Variants in IPO11 observed in about 807,000 individuals in gnomAD.
IPO11 encodes the protein importin 11.
IPO11 carries 66 observed loss-of-function variants against 143.2 expected under a neutral mutation model. The observed-to-expected ratio is 0.46, with a 90% CI of 0.38 to 0.57. The LOEUF is 0.57. Ranked by LOEUF, IPO11 falls within the 20% of genes least tolerant of loss-of-function variation. IPO11 has a pLI of 0.00. For missense variants in IPO11, 1,026 were observed against 1,141.0 expected, an observed-to-expected ratio of 0.90 and a Z score of 1.45; for synonymous variants, 385 against 377.8, an observed-to-expected ratio of 1.02 and a Z score of -0.22.
At chr5:62,553,323 AGTGT>A (rs3077458) in intron 26 of IPO11, among the ~76,000 whole-genome samples, 1,231 of 119,234 alleles carry the variant, frequency 0.01, 7 homozygotes, top group Middle Eastern at 0.051. Flanking sequence ...TATTCGTGTG[AGTGT>A]GTGTGTGTGT....
intron 24 of IPO11, among the ~76,000 whole-genome samples, chr5:62,546,141 A>C (rs917733048): frequency 1.3e-5 from 2 of 152,320 alleles, no homozygotes; most frequent in African/African-American, 4.8e-5. Context: ...ATAAAGACAC[A>C]TGCACACGTA....
At chr5:62,485,195 G>T (rs1482444030) in intron 11 of IPO11, among the ~76,000 whole-genome samples, 3 of 152,092 alleles carry the variant, frequency 2.0e-5, no homozygotes, top group African/African-American at 7.2e-5. Context: ...TCGAAAATGA[G>T]AATGCTTATG....
intron 3 of IPO11, among the ~76,000 whole-genome samples, chr5:62,443,840 A>G (rs1342063509): frequency 6.6e-6 from 1 of 152,190 alleles, no homozygotes; most frequent in Non-Finnish European, 1.5e-5. Context: ...ATGCAAAATC[A>G]TTGTAGACAT....
At chr5:62,601,642 C>G in intron 28 of IPO11, 122 bp from the exon 29 acceptor site, 1 of 450,444 alleles carries the variant, frequency 2.2e-6, no homozygotes, top group Non-Finnish European at 3.8e-6. Context: ...CTTTTTCTCA[C>G]ATTTTGGTGT....
intron 28 of IPO11, among the ~76,000 whole-genome samples, chr5:62,599,655 G>C (rs1745425656): frequency 6.6e-6 from 1 of 152,202 alleles, no homozygotes; most frequent in African/African-American, 2.4e-5. Flanking sequence ...TAGCAGGCTG[G>C]AGTGCCTGGA....
chr5:62,440,219 A>T lies in IPO11; in HGVS notation c.139-2764A>T, dbSNP rs367848944. 2.6e-5 allele frequency among the ~76,000 whole-genome samples: 4 copies of T among 152,312 alleles called. No homozygotes were observed. In the East Asian group the frequency reaches 7.7e-4, roughly 29 times the overall value. On this transcript the variant is annotated intron_variant, in intron 2 of 29. Coordinates refer to ENST00000325324, the MANE Select transcript of IPO11 (RefSeq NM_016338.5). Reference sequence around the variant, plus strand: ...ATGTTTTGTAATGGAGACCCAAAAGAGGGACTTGCACCCAGTTGCCAGTGG... The same window carrying T: ...ATGTTTTGTAATGGAGACCCAAAAGTGGGACTTGCACCCAGTTGCCAGTGG...
chr5:62,434,450 A>C (rs1022359914), intron 1 of IPO11, among the ~76,000 whole-genome samples: 9 of 151,866 alleles, frequency 5.9e-5, no homozygotes, highest in Non-Finnish European at 1.3e-4. Flanking sequence ...CTACAAGTGC[A>C]CACCACACCT....
At chr5:62,471,712 T>A (rs1561324495) in intron 7 of IPO11, among the ~76,000 whole-genome samples, 2 of 152,230 alleles carry the variant, frequency 1.3e-5, no homozygotes, top group Non-Finnish European at 2.9e-5. Flanking sequence ...TTAAAATGAT[T>A]GTATGGTACA....
At position 62,483,265 on chromosome 5, in the gene IPO11, T is replaced by C. The variant is rs202029093; in HGVS notation, c.993T>C (p.Tyr331=). ...MNLIKMIVKN[Y]AYKPSKNFED... ...TTATTAAGATGATTGTCAAAAATTA[T>C]GCTTATAAGCCATCCAAAAATTTTG... The change falls in exon 10 of 30, where the codon TAT becomes TAC. Residue 331 remains tyrosine, a synonymous_variant. Coordinates refer to ENST00000325324, the MANE Select transcript of IPO11 (RefSeq NM_016338.5). 1 of 1,602,336 alleles carries C rather than the reference T, an allele frequency of 6.2e-7. No homozygotes were observed. Among genetic ancestry groups the C allele is most frequent in the African/African-American group, 1.3e-5 (1 of 74,732 alleles).
intron 5 of IPO11, among the ~76,000 whole-genome samples, chr5:62,456,818 G>A (rs1353477063): frequency 6.6e-6 from 1 of 152,198 alleles, no homozygotes; most frequent in African/African-American, 2.4e-5. Flanking sequence ...GTGGGGCCGG[G>A]TGCGGTGGCT....
At chr5:62,625,774 A>T (rs1219758754) in intron 29 of IPO11, among the ~76,000 whole-genome samples, 1 of 152,230 alleles carries the variant, frequency 6.6e-6, no homozygotes, top group Non-Finnish European at 1.5e-5. Flanking sequence ...CTGCTTAGAA[A>T]TTCTATTATT....
chr5:62,536,802 A>G, intron 23 of IPO11, 21 bp downstream of exon 23: 1 of 1,457,982 alleles, frequency 6.9e-7, no homozygotes, highest in Non-Finnish European at 9.0e-7. Context: ...GTACTTTTGC[A>G]TTATATGAAA....
rs1460892879 is a variant in IPO11, at chr5:62,460,158, AAG to A, written c.517-6972_517-6971del. Among the ~76,000 whole-genome samples, 3 of 152,352 alleles carry A rather than the reference AAG, an allele frequency of 2.0e-5. No individual in the cohort carries two copies. In the East Asian group the frequency reaches 5.8e-4, roughly 29 times the overall value. On this transcript the variant is annotated intron_variant, in intron 5 of 29. Coordinates refer to ENST00000325324, the MANE Select transcript of IPO11 (RefSeq NM_016338.5). ...ACTTTTATCATCCTGAAGAAGTAAAAAGTAATTTAATATCATTTAATACTTTT... is the reference window on the plus strand; with the variant it reads ...ACTTTTATCATCCTGAAGAAGTAAAATAATTTAATATCATTTAATACTTTT...
chr5:62,481,352 A>G (rs1248261624), intron 9 of IPO11, among the ~76,000 whole-genome samples: 1 of 152,128 alleles, frequency 6.6e-6, no homozygotes, highest in Non-Finnish European at 1.5e-5. Flanking sequence ...TTCAAAGGGA[A>G]TGCTTCCAGT....
At chr5:62,439,802 C>G (rs900504546) in intron 2 of IPO11, among the ~76,000 whole-genome samples, 1 of 151,994 alleles carries the variant, frequency 6.6e-6, no homozygotes, top group African/African-American at 2.4e-5. Flanking sequence ...TTCCTTTTTC[C>G]CCTATACTCG....
chr5:62,426,364 G>A (rs567318769), intron 1 of IPO11, among the ~76,000 whole-genome samples: 1 of 152,268 alleles, frequency 6.6e-6, no homozygotes, highest in African/African-American at 2.4e-5. Flanking sequence ...TCCAGCCTGG[G>A]CAACAAGAGT....
chr5:62,430,351 G>A (rs372396074), intron 1 of IPO11, among the ~76,000 whole-genome samples: 4 of 152,260 alleles, frequency 2.6e-5, no homozygotes, highest in African/African-American at 9.6e-5. Flanking sequence ...TTAAAAAGCT[G>A]GACACCATTG....
chr5:62,455,867 G>A (rs1745128976), intron 5 of IPO11, among the ~76,000 whole-genome samples: 1 of 151,826 alleles, frequency 6.6e-6, no homozygotes, highest in Non-Finnish European at 1.5e-5. Flanking sequence ...TAGGATTACA[G>A]ACATGCGCCA....
At chr5:62,426,999 G>A (rs1431871113) in intron 1 of IPO11, among the ~76,000 whole-genome samples, 1 of 143,278 alleles carries the variant, frequency 7.0e-6, no homozygotes, top group Non-Finnish European at 1.5e-5. Flanking sequence ...GTGCAATGGC[G>A]CGATCTCGGC....
Sources: gnomAD v4.1 joint callset for allele counts (sites outside exome capture counted in the v4.1 genomes callset) on GRCh38, gnomAD v4.1.1 for gene constraint, MANE v1.5 for transcripts, NCBI Gene and HGNC (gene_info 2026-07-23, HGNC 2026-07-21) for gene names.